SHLD1: variants seen among roughly 807,000 people sequenced by gnomAD.
The protein encoded by SHLD1 is shieldin complex subunit 1, also known as RINN1-REV7-interacting novel NHEJ regulator 3.
A neutral mutation model predicts 5.5 loss-of-function variants in SHLD1; 3 were observed. That is an observed-to-expected ratio of 0.54 (90% CI 0.25 to 1.40). The LOEUF is 1.40. SHLD1 is among the 40% of genes most tolerant of loss of function. The pLI, the probability that SHLD1 is intolerant of heterozygous loss-of-function variation, is 0.15. For missense variants in SHLD1, 210 were observed against 244.4 expected (o/e 0.86, Z 0.94); for synonymous variants, 92 against 94.3 (o/e 0.98, Z 0.14).
chr20:5,818,281 G>A (rs2087563647), intron 2 of SHLD1, among the ~76,000 whole-genome samples: 1 of 151,990 alleles, frequency 6.6e-6, no homozygotes, highest in Non-Finnish European at 1.5e-5. Context: ...TCACCATGTT[G>A]GCCAGGCTGC....
At position 5,764,217 on chromosome 20, in the gene SHLD1, G is replaced by A. The variant is rs1297760770; in HGVS notation, c.-4-8645G>A. On this transcript the variant is annotated intron_variant, in intron 1 of 2. Transcript: ENST00000303142. ...TTTATATATATATATATTTGTGTGT[G>A]TGTATATATATATATATATATACAT... Among the ~76,000 whole-genome samples the A allele has an allele frequency of 2.7e-3, 309 of 115,132 alleles. 2 individuals are homozygous for A. The highest frequency in any genetic ancestry group is 9.9e-3 in the African/African-American group (294 of 29,808). 75.5% of individuals were successfully genotyped at this position (115,132 alleles called of 152,430 possible).
intron 1 of SHLD1, among the ~76,000 whole-genome samples, chr20:5,763,495 T>C (rs1320449657): frequency 6.6e-6 from 1 of 152,148 alleles, no homozygotes; most frequent in Non-Finnish European, 1.5e-5. Flanking sequence ...AGGTAGCTAC[T>C]GTATGTTCAT....
chr20:5,761,661 G>A (rs376606489), intron 1 of SHLD1, among the ~76,000 whole-genome samples: 5 of 148,426 alleles, frequency 3.4e-5, no homozygotes, highest in Middle Eastern at 3.4e-3. Flanking sequence ...AGGCTGGAGT[G>A]CAGTGGTGTG....
chr20:5,842,560 A>G (rs1387617639), intron 2 of SHLD1, among the ~76,000 whole-genome samples: 1 of 152,184 alleles, frequency 6.6e-6, no homozygotes, highest in Non-Finnish European at 1.5e-5. Flanking sequence ...ATTCCCACCC[A>G]TTAACTCGTT....
chr20:5,759,574 C>T (rs1658648461), intron 1 of SHLD1, among the ~76,000 whole-genome samples: 1 of 152,060 alleles, frequency 6.6e-6, no homozygotes, highest in South Asian at 2.1e-4. Context: ...AGCTCTGCTG[C>T]TCAGGCTGGA....
At chr20:5,760,052 A>G (rs1568487790) in intron 1 of SHLD1, among the ~76,000 whole-genome samples, 1 of 152,190 alleles carries the variant, frequency 6.6e-6, no homozygotes, top group Admixed American at 6.6e-5. Flanking sequence ...TGCAGACATC[A>G]TGTCTCCTTA....
chr20:5,844,799 A>ATATATATATATATTTT (rs1460082835), intron 2 of SHLD1, among the ~76,000 whole-genome samples: 2 of 71,720 alleles, frequency 2.8e-5, no homozygotes, highest in Non-Finnish European at 6.2e-5. Flanking sequence ...ATATATATAT[A>ATATATATATATATTTT]TTTTTTTTTT....
chr20:5,754,827 G>A (rs763698428), intron 1 of SHLD1, among the ~76,000 whole-genome samples: 1 of 152,124 alleles, frequency 6.6e-6, no homozygotes, highest in Non-Finnish European at 1.5e-5. Flanking sequence ...AGGCCGACGC[G>A]GGCGGATCAC....
intron 2 of SHLD1, among the ~76,000 whole-genome samples, chr20:5,790,177 G>A (rs2087118559): frequency 6.6e-6 from 1 of 152,134 alleles, no homozygotes; most frequent in Non-Finnish European, 1.5e-5. Flanking sequence ...TGGCAGAGGG[G>A]ATCCCACTAC....
chr20:5,760,236 A>AGG (rs1191416409), intron 1 of SHLD1, among the ~76,000 whole-genome samples: 1 of 152,058 alleles, frequency 6.6e-6, no homozygotes, highest in Non-Finnish European at 1.5e-5. Flanking sequence ...TGTAAAACCC[A>AGG]GGTGTGTGTG....
chr20:5,839,807 T>C (rs1294165489), intron 2 of SHLD1, among the ~76,000 whole-genome samples: 1 of 152,226 alleles, frequency 6.6e-6, no homozygotes, highest in Non-Finnish European at 1.5e-5. Context: ...TTTTCATTTG[T>C]GCCATGGAAC....
chr20:5,786,842 G>C (rs1358193223), intron 2 of SHLD1, among the ~76,000 whole-genome samples: 1 of 152,120 alleles, frequency 6.6e-6, no homozygotes, highest in African/African-American at 2.4e-5. Flanking sequence ...CAGTGAATAT[G>C]GGCAGGGAAG....
At chr20:5,857,092 T>C (rs142834806) in intron 2 of SHLD1, among the ~76,000 whole-genome samples, 3,604 of 152,130 alleles carry the variant, frequency 0.024, 74 homozygotes, top group Middle Eastern at 0.058. Flanking sequence ...AGTGATTCTC[T>C]TGCCTCCCGA....
chr20:5,844,819 C>T (rs1278445073), intron 2 of SHLD1, among the ~76,000 whole-genome samples: 9 of 118,332 alleles, frequency 7.6e-5, no homozygotes, highest in Non-Finnish European at 1.3e-4. Context: ...TTTTGAGACA[C>T]AGTCTCACTC....
chr20:5,781,321 C>G (rs979332072), intron 2 of SHLD1, among the ~76,000 whole-genome samples: 3 of 152,012 alleles, frequency 2.0e-5, no homozygotes, highest in African/African-American at 7.2e-5. Context: ...TTGCTTGAGC[C>G]CAGGAGTTCG....
At position 5,864,284 on chromosome 20, in the gene SHLD1, A is replaced by G. The variant is rs1330613400; in HGVS notation, c.*821A>G. Among the ~76,000 whole-genome samples the G allele has an allele frequency of 6.6e-6, 1 of 152,236 alleles. No individual in the cohort carries two copies. Among genetic ancestry groups the G allele is most frequent in the Non-Finnish European group, 1.5e-5 (1 of 68,042 alleles). On this transcript the variant is annotated 3_prime_UTR_variant, in exon 3 of 3. Coordinates refer to ENST00000303142, the MANE Select transcript of SHLD1 (RefSeq NM_152504.4). ...TGCAAACGTGAAAGGTGAGAAGGTA[A>G]CAAATGTGCACCACCCACCACAGTA...
chr20:5,750,708 T>TA (rs1425674418), intron 1 of SHLD1, among the ~76,000 whole-genome samples: 102 of 150,442 alleles, frequency 6.8e-4, no homozygotes, highest in African/African-American at 2.5e-3. Flanking sequence ...TCGGTTTTGT[T>TA]GTTTTTTTTT....
rs1482780651 is a variant in SHLD1 at position 5,817,548 on chromosome 20, A to G, written c.178+44505A>G. On this transcript the variant is annotated intron_variant, in intron 2 of 2. Coordinates refer to ENST00000303142, the MANE Select transcript of SHLD1 (RefSeq NM_152504.4). Reference sequence around the variant, plus strand: ...ATTTTTTGAATAGCCTGTACTCTGTAGCTAGTTTAGCTTGCTACCAAGGTT... The same window carrying G: ...ATTTTTTGAATAGCCTGTACTCTGTGGCTAGTTTAGCTTGCTACCAAGGTT... 3.3e-5 allele frequency among the ~76,000 whole-genome samples: 5 copies of G among 151,444 alleles called. 1 individual carries two copies. The South Asian group carries it at 1.0e-3, about 32-fold the overall frequency.
intron 2 of SHLD1, among the ~76,000 whole-genome samples, chr20:5,861,738 C>T (rs1568536141): frequency 3.3e-5 from 5 of 152,174 alleles, no homozygotes; most frequent in African/African-American, 1.2e-4. Context: ...AGGGCCCAAA[C>T]CAAAATCCTA....
Sources: gnomAD v4.1 joint callset for allele counts (sites outside exome capture counted in the v4.1 genomes callset) on GRCh38, gnomAD v4.1.1 for gene constraint, MANE v1.5 for transcripts, NCBI Gene and HGNC (gene_info 2026-07-23, HGNC 2026-07-21) for gene names.